Variants in GOLGA7 observed in about 807,000 individuals in gnomAD.
GOLGA7 encodes the protein golgin subfamily A member 7.
In GOLGA7, 10 loss-of-function variants were observed where a neutral mutation model predicts 21.1. That is an observed-to-expected ratio of 0.47 (90% CI 0.29 to 0.80). The LOEUF is 0.80. GOLGA7 is among the 30% of genes least tolerant of loss of function. The pLI, the probability that GOLGA7 is intolerant of heterozygous loss-of-function variation, is 0.08. For missense variants in GOLGA7, 114 were observed against 166.8 expected, an observed-to-expected ratio of 0.68 and a Z score of 1.74; for synonymous variants, 64 against 62.6, an observed-to-expected ratio of 1.02 and a Z score of -0.10.
intron 4 of GOLGA7, among the ~76,000 whole-genome samples, chr8:41,509,083 G>T (rs1806358796): frequency 6.6e-6 from 1 of 152,248 alleles, no homozygotes; most frequent in South Asian, 2.1e-4. Flanking sequence ...ACATGCACTG[G>T]TGTTTTCTCT....
At chr8:41,495,005 G>T (rs1805973866) in intron 1 of GOLGA7, among the ~76,000 whole-genome samples, 2 of 151,902 alleles carry the variant, frequency 1.3e-5, no homozygotes, top group South Asian at 4.1e-4. Flanking sequence ...AGGAGCCTGA[G>T]ACCAGCCTGG....
chr8:41,507,220 G>A (rs1806307522), intron 4 of GOLGA7, 99 bp downstream of exon 4: 1 of 707,540 alleles, frequency 1.4e-6, no homozygotes, highest in Non-Finnish European at 2.6e-6. Context: ...AAATCACGCA[G>A]TTAAATAACA....
chr8:41,492,998 A>G (rs1365701547), intron 1 of GOLGA7, among the ~76,000 whole-genome samples: 1 of 152,234 alleles, frequency 6.6e-6, no homozygotes, highest in Non-Finnish European at 1.5e-5. Context: ...TGATGTTTCT[A>G]AATTCTGGAG....
intron 2 of GOLGA7, 189 bp from the exon 3 acceptor site, chr8:41,505,722 T>C (rs1806268988): frequency 6.5e-6 from 3 of 463,436 alleles, no homozygotes; most frequent in Admixed American, 8.3e-5. Flanking sequence ...ACTGGAAGAG[T>C]CCCTCACACT....
chr8:41,492,428 G>A (rs1042000085), intron 1 of GOLGA7, among the ~76,000 whole-genome samples: 1 of 148,662 alleles, frequency 6.7e-6, no homozygotes, highest in South Asian at 2.1e-4. Context: ...CTGGGAGGCC[G>A]TGGCGGGTGC....
At chr8:41,497,462 A>AT (rs763329840) in intron 1 of GOLGA7, 47 bp from the exon 2 acceptor site, 5,719 of 1,013,374 alleles carry the variant, frequency 5.6e-3, no homozygotes, top group South Asian at 6.8e-3. Context: ...GCATTAGTTG[A>AT]TTTTTTTTTT....
intron 2 of GOLGA7, among the ~76,000 whole-genome samples, chr8:41,502,975 G>A (rs1445500113): frequency 1.3e-5 from 2 of 152,072 alleles, no homozygotes; most frequent in African/African-American, 4.8e-5. Flanking sequence ...TGTGGTATGA[G>A]TTTACACATA....
chr8:41,508,797 T>A (rs1459337848), intron 4 of GOLGA7, among the ~76,000 whole-genome samples: 3 of 152,240 alleles, frequency 2.0e-5, no homozygotes, highest in Non-Finnish European at 2.9e-5. Context: ...CGTTTTGGGA[T>A]TTGGGTGTTC....
chr8:41,491,977 G>A (rs764611184), intron 1 of GOLGA7, among the ~76,000 whole-genome samples: 18 of 152,062 alleles, frequency 1.2e-4, no homozygotes, highest in Non-Finnish European at 2.1e-4. Flanking sequence ...TCTGTGTAGA[G>A]AAATGTGTAG....
rs573833038 is a variant in GOLGA7, at chr8:41,497,578, G to A, written c.181G>A (p.Gly61Ser). 2.6e-5 allele frequency: 42 copies of A among 1,587,714 alleles called. No homozygotes were observed. The highest frequency in any genetic ancestry group is 1.3e-4 in the South Asian group (12 of 90,476). ...CCTTTATGCAGAAGCAGAGAAGCTC[G>A]GCGGCCAGTCATATCTCGAAGGTTG... ...NNLYAEAEKL[G>S]GQSYLEGCLA... Residue 61 changes from glycine (G) to serine (S), a missense_variant, in exon 2 of 5, where the codon GGC becomes AGC. By Grantham distance (56) the Gly-to-Ser change is moderately conservative (BLOSUM62 0). Coordinates refer to ENST00000357743, the MANE Select transcript of GOLGA7 (RefSeq NM_001002296.2).
At chr8:41,500,469 A>T (rs1040210754) in intron 2 of GOLGA7, among the ~76,000 whole-genome samples, 1 of 152,218 alleles carries the variant, frequency 6.6e-6, no homozygotes, top group African/African-American at 2.4e-5. Flanking sequence ...GTGGATTTGG[A>T]GAGGTAAGCA....
At chr8:41,506,973 T>G (rs1806301088) in intron 3 of GOLGA7, 86 bp from the exon 4 acceptor site, 5 of 749,688 alleles carry the variant, frequency 6.7e-6, no homozygotes, top group South Asian at 6.1e-5. Context: ...GAAAGCAAAG[T>G]CTGCAGATCA....
intron 2 of GOLGA7, among the ~76,000 whole-genome samples, chr8:41,502,978 T>G (rs1337167217): frequency 6.6e-6 from 1 of 152,200 alleles, no homozygotes; most frequent in African/African-American, 2.4e-5. Context: ...GGTATGAGTT[T>G]ACACATATTA....
At chr8:41,498,942 A>G (rs1027967433) in intron 2 of GOLGA7, among the ~76,000 whole-genome samples, 1 of 152,242 alleles carries the variant, frequency 6.6e-6, no homozygotes, top group African/African-American at 2.4e-5. Context: ...ATTATGACCC[A>G]TCTGATAGAA....
rs1806406996 is a variant in GOLGA7, at chr8:41,510,825, T to A, written c.*1257T>A. The A allele has an allele frequency of 6.5e-6, 1 of 153,426 alleles. No individual in the cohort carries two copies. Among genetic ancestry groups the A allele is most frequent in the African/African-American group, 2.4e-5 (1 of 41,468 alleles). The allele number at this position is 153,426 out of a possible 1,614,324, so 9.5% of individuals were successfully genotyped here. Reference sequence around the variant, plus strand: ...AGATTTAATTTCTTTTATGGGTCTGTTAGTCATTCAACAAATCCCATAAGT... The same window carrying A: ...AGATTTAATTTCTTTTATGGGTCTGATAGTCATTCAACAAATCCCATAAGT... On this transcript the variant is annotated 3_prime_UTR_variant, in exon 5 of 5. Transcript: ENST00000357743.
intron 3 of GOLGA7, among the ~76,000 whole-genome samples, 194 bp downstream of exon 3, chr8:41,506,206 T>C (rs1490648939): frequency 6.6e-6 from 1 of 152,068 alleles, no homozygotes; most frequent in Admixed American, 6.6e-5. Context: ...TTCCATTGCA[T>C]GGTGCAGGTC....
At chr8:41,503,292 A>G (rs1285927813) in intron 2 of GOLGA7, among the ~76,000 whole-genome samples, 1 of 144,818 alleles carries the variant, frequency 6.9e-6, no homozygotes, top group African/African-American at 2.6e-5. Context: ...GTTTGAGTTC[A>G]TTGTAGATTC....
chr8:41,509,622 C>G lies in GOLGA7; in HGVS notation c.*54C>G, dbSNP rs528161917. Reference sequence around the variant, plus strand: ...CCGGGCCCCTCATGTATCCACTGGCCGACCGCAGAGTGTCCCTACCTCCTC... The same window carrying G: ...CCGGGCCCCTCATGTATCCACTGGCGGACCGCAGAGTGTCCCTACCTCCTC... On this transcript the variant is annotated 3_prime_UTR_variant, in exon 5 of 5. Coordinates refer to ENST00000357743, the MANE Select transcript of GOLGA7 (RefSeq NM_001002296.2). 6 of 152,740 alleles carry G rather than the reference C, an allele frequency of 3.9e-5. No homozygotes were observed. Among genetic ancestry groups the G allele is most frequent in the Non-Finnish European group, 7.3e-5 (5 of 68,054 alleles). 9.5% of individuals were successfully genotyped at this position (152,740 alleles called of 1,614,324 possible).
intron 3 of GOLGA7, among the ~76,000 whole-genome samples, chr8:41,506,732 A>G (rs574705141): frequency 6.6e-5 from 10 of 152,274 alleles, no homozygotes; most frequent in African/African-American, 2.2e-4. Flanking sequence ...GGGTATTTTT[A>G]AATCCCTGAA....
Sources: allele counts gnomAD v4.1 joint callset (sites outside exome capture counted in the v4.1 genomes callset), GRCh38; gene constraint gnomAD v4.1.1; transcripts MANE v1.5; gene names NCBI Gene and HGNC (gene_info 2026-07-23, HGNC 2026-07-21).